The following FDFT1 variants were observed in gnomAD, a reference collection of about 807,000 sequenced individuals.
FDFT1 encodes the protein farnesyl-diphosphate farnesyltransferase 1.
A neutral mutation model predicts 46.8 loss-of-function variants in FDFT1; 68 were observed. The ratio of observed to expected loss-of-function variants is 1.45; its 90% confidence interval spans 1.19 to 1.78. The LOEUF is 1.78. FDFT1 is among the 40% of genes most tolerant of loss of function. FDFT1 has a pLI of 0.00. For synonymous variants in FDFT1, 351 were observed against 185.1 expected, an observed-to-expected ratio of 1.90 and a Z score of -7.28; for missense variants, 928 against 524.4, an observed-to-expected ratio of 1.77 and a Z score of -7.52.
intron 3 of FDFT1, among the ~76,000 whole-genome samples, chr8:11,818,274 C>A (rs1321126476): frequency 2.0e-5 from 3 of 152,162 alleles, no homozygotes; most frequent in Admixed American, 2.0e-4. Context: ...CAGTGTTTTT[C>A]TTCCAATTCT....
At position 11,830,374 on chromosome 8, in the gene FDFT1, C is replaced by T. The variant is rs371623501; in HGVS notation, c.833C>T (p.Ser278Leu). Residue 278 changes from serine to leucine, a missense_variant, in exon 6 of 8, where the codon TCG (serine) becomes TTG (leucine). Coordinates refer to ENST00000220584, the MANE Select transcript of FDFT1 (RefSeq NM_004462.5). ...ATCCCAGATGTCATCACCTACCTTT[C>T]GAGACTCAGAAACCAGAGTGTGTTT... is the stretch of plus-strand genomic sequence containing the variant. ...HHIPDVITYL[S>L]RLRNQSVFNF... 9.3e-6 allele frequency: 15 copies of T among 1,613,840 alleles called. No individual in the cohort carries two copies. The African/African-American group carries it at 1.1e-4, about 11-fold the overall frequency.
intron 3 of FDFT1, among the ~76,000 whole-genome samples, chr8:11,815,148 T>G (rs1281280197): frequency 6.6e-6 from 1 of 152,222 alleles, no homozygotes; most frequent in Non-Finnish European, 1.5e-5. Context: ...GATACTTTGC[T>G]CAGAATGATG....
rs1228964516 is a variant in FDFT1, at chr8:11,828,318, C to CA, written c.703-1920dup. Among the ~76,000 whole-genome samples, 13 of 152,152 alleles carry CA rather than the reference C, an allele frequency of 8.5e-5. No individual in the cohort carries two copies. The East Asian group carries it at 2.3e-3, about 27-fold the overall frequency. ...AAACAAACAAACAACAACAAAAAAA[C>CA]AAAAAACACTTCCCTCAGCTCAGAC... On this transcript the variant is annotated intron_variant, in intron 5 of 7. Transcript: ENST00000220584.
intron 1 of FDFT1, chr8:11,803,945 T>G (rs894752021): frequency 3.9e-5 from 6 of 152,380 alleles, no homozygotes; most frequent in African/African-American, 4.8e-5. Context: ...TTGCCGGTGC[T>G]ACATTATTTG....
chr8:11,826,085 A>G lies in FDFT1; in HGVS notation c.572A>G (p.Glu191Gly). The change falls in exon 5 of 8, where the codon GAG becomes GGG. Residue 191 changes from glutamate to glycine, a missense_variant. Physicochemically the swap from Glu to Gly is moderately conservative, Grantham distance 98. Transcript: ENST00000220584. ...IGLSRLFSAS[E>G]FEDPLVGEDT... ...CTTTCCCGTCTTTTCTCAGCCTCAG[A>G]GTTTGAAGACCCCTTAGTTGGTGAA... 1 of 1,608,728 alleles carries G rather than the reference A, an allele frequency of 6.2e-7. No homozygotes were observed. The highest frequency in any genetic ancestry group is 8.5e-7 in the Non-Finnish European group (1 of 1,175,846).
chr8:11,796,269 T>G (rs993994214), intron 1 of FDFT1, among the ~76,000 whole-genome samples: 3 of 152,182 alleles, frequency 2.0e-5, no homozygotes, highest in Non-Finnish European at 2.9e-5. Flanking sequence ...CTGGACTGTT[T>G]GTGTTCTGAG....
intron 7 of FDFT1, among the ~76,000 whole-genome samples, chr8:11,834,322 C>G (rs561926944): frequency 4.1e-4 from 62 of 152,326 alleles, no homozygotes; most frequent in African/African-American, 1.5e-3. Context: ...TGCTTGTCAG[C>G]TGGGGAGAAG....
In FDFT1 at chr8:11,808,224, CG is replaced by C. The variant is rs1807128340; in HGVS notation, c.100-569del. ...TTGGGAAGAGGATTTCAGCGGAGCCCGAGTAGAGTTTGGTCTAGGGAGACTC... is the reference window on the plus strand; with the variant it reads ...TTGGGAAGAGGATTTCAGCGGAGCCCAGTAGAGTTTGGTCTAGGGAGACTC... On this transcript the variant is annotated intron_variant, in intron 1 of 7. Transcript: ENST00000220584. 4 of 1,171,340 alleles carry C rather than the reference CG, an allele frequency of 3.4e-6. No individual in the cohort carries two copies. The South Asian group carries it at 1.7e-4, about 51-fold the overall frequency. 72.6% of individuals were successfully genotyped at this position (1,171,340 alleles called of 1,614,324 possible). A position where few individuals can be genotyped will look rare whatever the true frequency, so the allele number is the denominator to read the frequency against.
At chr8:11,831,719 T>G (rs2409836) in intron 7 of FDFT1, 49 bp downstream of exon 7, 847,498 of 1,454,076 alleles carry the variant, frequency 0.58, 254,712 homozygotes, top group East Asian at 0.99. Flanking sequence ...CTTTTATGAT[T>G]TAGTAATGTC....
At chr8:11,827,275 C>T (rs1810128456) in intron 5 of FDFT1, among the ~76,000 whole-genome samples, 1 of 151,942 alleles carries the variant, frequency 6.6e-6, no homozygotes, top group African/African-American at 2.4e-5. Flanking sequence ...CAGCAAGATA[C>T]CATCTCTATA....
upstream of FDFT1, among the ~76,000 whole-genome samples, chr8:11,799,114 A>G (rs904930666): frequency 2.0e-5 from 3 of 152,268 alleles, no homozygotes; most frequent in African/African-American, 7.2e-5. Flanking sequence ...ACTTTGGGAT[A>G]GAGACTCAAC....
At chr8:11,830,884 T>C (rs73549730) in intron 6 of FDFT1, among the ~76,000 whole-genome samples, 2,088 of 152,352 alleles carry the variant, frequency 0.014, 66 homozygotes, top group African/African-American at 0.048. Flanking sequence ...TAGTTGCCTT[T>C]ACCAAGTATT....
At chr8:11,835,745 G>C (rs1358115773) in intron 7 of FDFT1, among the ~76,000 whole-genome samples, 1 of 152,058 alleles carries the variant, frequency 6.6e-6, no homozygotes, top group Non-Finnish European at 1.5e-5. Context: ...ATTAACCCAG[G>C]AATGAATAAG....
chr8:11,810,567 T>G (rs1807571360), intron 3 of FDFT1, among the ~76,000 whole-genome samples: 1 of 152,238 alleles, frequency 6.6e-6, no homozygotes, highest in African/African-American at 2.4e-5. Flanking sequence ...CTGTAAGTAT[T>G]AGCTATTTGG....
At position 11,809,652 on chromosome 8, in the gene FDFT1, T is replaced by C. The variant is rs201856725; in HGVS notation, c.198-15T>C. 1 of 1,579,736 alleles carries C rather than the reference T, an allele frequency of 6.3e-7. No homozygotes were observed. ...TGTTTGTTCCAATATATTAATAGTTTTCCCTTTTTTACAGCAACGCAGTGT... is the reference window on the plus strand; with the variant it reads ...TGTTTGTTCCAATATATTAATAGTTCTCCCTTTTTTACAGCAACGCAGTGT... On this transcript the variant is annotated splice_polypyrimidine_tract_variant and intron_variant, in intron 2 of 7. Coordinates refer to ENST00000220584, the MANE Select transcript of FDFT1 (RefSeq NM_004462.5).
intron 1 of FDFT1, chr8:11,808,337 G>C: frequency 8.1e-7 from 1 of 1,234,380 alleles, no homozygotes; most frequent in Non-Finnish European, 1.0e-6. Flanking sequence ...GCAACAGCGG[G>C]AGGAGGCGCC....
At chr8:11,801,695 GTTT>G (rs34528992), upstream of FDFT1, 524 of 241,104 alleles carry the variant, frequency 2.2e-3, no homozygotes, top group South Asian at 4.0e-3. Context: ...TAGCCAGTAG[GTTT>G]TTTTTTTTTT....
chr8:11,795,774 T>A (rs534140371), exon 1 of FDFT1: 1 of 152,208 alleles, frequency 6.6e-6, no homozygotes, highest in Non-Finnish European at 1.5e-5. Flanking sequence ...ACGCGCCGAC[T>A]TAAGAGCTGT....
Position 11,802,805 on chromosome 8 carries a change from C to G in FDFT1, c.-28C>G, listed in dbSNP as rs377211006. ...CTGGGGACCGCAGAGGTGAGAGTCGCGCCCGGGAGTCCGCCGCCTGCGCCA... is the reference window on the plus strand; with the variant it reads ...CTGGGGACCGCAGAGGTGAGAGTCGGGCCCGGGAGTCCGCCGCCTGCGCCA... On this transcript the variant is annotated 5_prime_UTR_variant, in exon 1 of 8. Transcript: ENST00000220584. 6.4e-7 allele frequency: 1 copy of G among 1,574,332 alleles called. No individual in the cohort carries two copies. Among genetic ancestry groups the G allele is most frequent in the Non-Finnish European group, 8.7e-7 (1 of 1,152,980 alleles).
Sources: gnomAD v4.1 joint callset for allele counts (sites outside exome capture counted in the v4.1 genomes callset) on GRCh38, gnomAD v4.1.1 for gene constraint, MANE v1.5 for transcripts, NCBI Gene and HGNC (gene_info 2026-07-23, HGNC 2026-07-21) for gene names.